The following AIMP1 variants were observed in gnomAD, a reference collection of about 807,000 sequenced individuals.
The protein encoded by AIMP1 is aminoacyl tRNA synthetase complex interacting multifunctional protein 1, also known as aminoacyl tRNA synthase complex-interacting multifunctional protein 1.
A neutral mutation model predicts 33.1 loss-of-function variants in AIMP1; 24 were observed. The ratio of observed to expected loss-of-function variants is 0.73; its 90% CI spans 0.53 to 1.02. The LOEUF (loss-of-function observed/expected upper bound fraction) is 1.02. Among genes scored for constraint, AIMP1 ranks in the 50% least tolerant of loss-of-function variants. The pLI is 0.00. For missense variants in AIMP1, 367 were observed against 364.8 expected (o/e 1.01, Z -0.05); for synonymous variants, 120 against 121.5 (o/e 0.99, Z 0.08).
At chr4:106,316,769 T>A in intron 1 of AIMP1, 175 bp downstream of exon 1, 1 of 564,638 alleles carries the variant, frequency 1.8e-6, no homozygotes, top group Non-Finnish European at 3.1e-6. Context: ...TGAGACTTCC[T>A]TCTAAAGGAG....
At chr4:106,343,842 A>T (rs1438561625) in intron 6 of AIMP1, among the ~76,000 whole-genome samples, 1 of 152,240 alleles carries the variant, frequency 6.6e-6, no homozygotes, top group Non-Finnish European at 1.5e-5. Flanking sequence ...TTCCAAGATC[A>T]TGCTTATTTC....
At chr4:106,325,158 G>T (rs1579630896) in intron 2 of AIMP1, 40 bp downstream of exon 2, 3 of 1,521,348 alleles carry the variant, frequency 2.0e-6, no homozygotes, top group South Asian at 1.2e-5. Context: ...TACTTAAAAT[G>T]AATTCATACA....
At chr4:106,345,669 T>C (rs1003862777) in intron 6 of AIMP1, among the ~76,000 whole-genome samples, 4 of 151,924 alleles carry the variant, frequency 2.6e-5, no homozygotes, top group Non-Finnish European at 4.4e-5. Flanking sequence ...CTGTTATCTC[T>C]GAAAGCCTGC....
intron 5 of AIMP1, among the ~76,000 whole-genome samples, chr4:106,332,829 G>A (rs1250128078): frequency 6.6e-6 from 1 of 151,848 alleles, no homozygotes; most frequent in Non-Finnish European, 1.5e-5. Context: ...CAGGTGCTAT[G>A]TAGTTTTTAG....
rs951036195 is a variant in AIMP1 at position 106,316,595 on chromosome 4, G to C, written c.-26+1G>C. The C allele has an allele frequency of 5.2e-6, 8 of 1,551,322 alleles. No individual in the cohort carries two copies. Among genetic ancestry groups the C allele is most frequent in the Non-Finnish European group, 6.1e-6 (7 of 1,146,896 alleles). On this transcript the variant is annotated splice_donor_variant, in intron 1 of 6. Transcript: ENST00000672341. LOFTEE classifies it low-confidence loss of function (5UTR_SPLICE). ...CGGAACCCGTGGTCCTCCGCTTCAT[G>C]TGAGTGACGTCGTGGCGGGTCACTC...
rs773176792 is a variant in AIMP1, at chr4:106,347,578, G to A, written c.825G>A (p.Gln275=). ...NPKKKIWEQI[Q]PDLHTNDECV... ...AGAAGAAGATTTGGGAGCAGATCCAGCCTGATCTTCACACTAATGATGAGT... is the reference window on the plus strand; with the variant it reads ...AGAAGAAGATTTGGGAGCAGATCCAACCTGATCTTCACACTAATGATGAGT... Residue 275 remains glutamine, a synonymous_variant, in exon 7 of 7, where the codon CAG becomes CAA. Transcript: ENST00000672341. The A allele has an allele frequency of 6.2e-7, 1 of 1,613,444 alleles. No individual in the cohort carries two copies. Among genetic ancestry groups the A allele is most frequent in the Non-Finnish European group, 8.5e-7 (1 of 1,179,660 alleles).
chr4:106,321,998 G>A (rs902785171), intron 1 of AIMP1, among the ~76,000 whole-genome samples: 1 of 139,228 alleles, frequency 7.2e-6, no homozygotes, highest in Non-Finnish European at 1.6e-5. Flanking sequence ...TAAATGGCCC[G>A]TGCTCTCTGA....
At chr4:106,346,182 T>G (rs1192584360) in intron 6 of AIMP1, among the ~76,000 whole-genome samples, 1 of 152,130 alleles carries the variant, frequency 6.6e-6, no homozygotes, top group East Asian at 1.9e-4. Context: ...TATTAAACTT[T>G]ACTCTCTACT....
chr4:106,346,593 CAAATG>C (rs1222340106), intron 6 of AIMP1, among the ~76,000 whole-genome samples: 1 of 152,094 alleles, frequency 6.6e-6, no homozygotes, highest in African/African-American at 2.4e-5. Flanking sequence ...GAATGGGTAA[CAAATG>C]AAATCCAAAG....
chr4:106,340,483 A>C (rs141647619), intron 6 of AIMP1, among the ~76,000 whole-genome samples: 280 of 152,260 alleles, frequency 1.8e-3, no homozygotes, highest in Middle Eastern at 3.4e-3. Flanking sequence ...TTCCATCTTC[A>C]TGTCTGTGTA....
intron 1 of AIMP1, among the ~76,000 whole-genome samples, chr4:106,317,205 T>G (rs1341829684): frequency 6.6e-6 from 1 of 152,132 alleles, no homozygotes; most frequent in Non-Finnish European, 1.5e-5. Flanking sequence ...AGTGGGAGAT[T>G]TAACCACGCG....
At position 106,327,462 on chromosome 4, in the gene AIMP1, A is replaced by G; in HGVS notation, c.121A>G (p.Thr41Ala). 1.2e-6 allele frequency: 2 copies of G among 1,611,910 alleles called. No homozygotes were observed. Among genetic ancestry groups the G allele is most frequent in the Non-Finnish European group, 1.7e-6 (2 of 1,178,412 alleles). The change falls in exon 3 of 7, where the codon ACT (threonine) becomes GCT (alanine). Residue 41 changes from threonine to alanine, a missense_variant. Thr to Ala is a moderately conservative substitution (Grantham distance 58, BLOSUM62 0). Transcript: ENST00000672341. ...LLKEKAILQA[T>A]LREEKKLRVE... Reference sequence around the variant, plus strand: ...GTTCTTGATCCTAGTTTTGCAGGCAACTTTGAGGGAAGAGAAGAAACTTCG... The same window carrying G: ...GTTCTTGATCCTAGTTTTGCAGGCAGCTTTGAGGGAAGAGAAGAAACTTCG...
intron 1 of AIMP1, among the ~76,000 whole-genome samples, chr4:106,323,575 A>C (rs1025027366): frequency 3.3e-5 from 5 of 151,614 alleles, no homozygotes; most frequent in African/African-American, 1.2e-4. Context: ...AAATATCTTA[A>C]TAGAAATGGA....
At chr4:106,334,276 C>CT (rs34085907) in intron 5 of AIMP1, among the ~76,000 whole-genome samples, 458 of 139,284 alleles carry the variant, frequency 3.3e-3, no homozygotes, top group African/African-American at 4.7e-3. Context: ...TTTCTTTTTT[C>CT]TTTTTTTTTT....
chr4:106,336,361 A>T (rs1769884846), intron 5 of AIMP1, among the ~76,000 whole-genome samples: 2 of 152,160 alleles, frequency 1.3e-5, no homozygotes, highest in African/African-American at 4.8e-5. Flanking sequence ...TAAATTAAAA[A>T]ATAAATCTAG....
intron 4 of AIMP1, among the ~76,000 whole-genome samples, chr4:106,330,084 GA>G (rs1287404985): frequency 6.6e-6 from 1 of 151,944 alleles, no homozygotes; most frequent in African/African-American, 2.4e-5. Flanking sequence ...TGCCCAGCTA[GA>G]CTGCCACATA....
intron 4 of AIMP1, 66 bp downstream of exon 4, chr4:106,328,309 A>G (rs112679743): frequency 1.3e-6 from 2 of 1,499,914 alleles, no homozygotes; most frequent in Non-Finnish European, 1.8e-6. Context: ...AGTTTTGATA[A>G]TGATAATAAT....
At position 106,328,217 on chromosome 4, in the gene AIMP1, A is replaced by G. The variant is rs756759464; in HGVS notation, c.365A>G (p.Lys122Arg). ...AAAGGAGGAACAGGAGACGAAAAGAAAGCGAAAGAGAAAATTGAAAAGAAA... is the reference window on the plus strand; with the variant it reads ...AAAGGAGGAACAGGAGACGAAAAGAGAGCGAAAGAGAAAATTGAAAAGAAA... Reference protein sequence around the residue: ...QIKGGTGDEKKAKEKIEKKGE... With the variant: ...QIKGGTGDEKRAKEKIEKKGE... The change falls in exon 4 of 7, where the codon AAA (lysine) becomes AGA (arginine). Residue 122 changes from lysine to arginine, a missense_variant. Lys to Arg is a conservative substitution (Grantham distance 26). Transcript: ENST00000672341. The G allele has an allele frequency of 6.2e-7, 1 of 1,611,470 alleles. No individual in the cohort carries two copies. Among genetic ancestry groups the G allele is most frequent in the Admixed American group, 1.7e-5 (1 of 59,838 alleles).
chr4:106,336,316 A>G (rs1255142727), intron 5 of AIMP1, among the ~76,000 whole-genome samples: 1 of 151,426 alleles, frequency 6.6e-6, no homozygotes, highest in Non-Finnish European at 1.5e-5. Flanking sequence ...AGCTGGGATT[A>G]TAGGTGTGAG....
Sources: gnomAD v4.1 joint callset for allele counts (sites outside exome capture counted in the v4.1 genomes callset) on GRCh38, gnomAD v4.1.1 for gene constraint, MANE v1.5 for transcripts, NCBI Gene and HGNC (gene_info 2026-07-23, HGNC 2026-07-21) for gene names.